GFPT1: variants seen among roughly 807,000 people sequenced by gnomAD.
The protein encoded by GFPT1 is glutamine--fructose-6-phosphate aminotransferase [isomerizing] 1.
GFPT1 carries 40 observed loss-of-function variants against 92.0 expected under a neutral mutation model. The ratio of observed to expected loss-of-function variants is 0.43; its 90% confidence interval spans 0.34 to 0.57. GFPT1 has a LOEUF of 0.57. Among genes scored for constraint, GFPT1 ranks in the 20% least tolerant of loss-of-function variants. The probability of loss-of-function intolerance (pLI) is 0.02; values close to 1 mark genes in which losing one functional copy is unlikely to be tolerated. For missense variants in GFPT1, 448 were observed against 869.1 expected, an observed-to-expected ratio of 0.52 and a Z score of 6.09; for synonymous variants, 269 against 280.6, an observed-to-expected ratio of 0.96 and a Z score of 0.41.
intron 2 of GFPT1, 66 bp from the exon 3 acceptor site, chr2:69,370,174 G>A (rs559412163): frequency 5.5e-6 from 5 of 911,264 alleles, no homozygotes; most frequent in South Asian, 1.3e-5. Context: ...ATTAATGTGA[G>A]GCAAAATTTT....
rs1035356174 is a variant in GFPT1 at position 69,324,662 on chromosome 2, C to G, written c.*1527G>C. 1.3e-5 allele frequency: 2 copies of G among 151,994 alleles called. No homozygotes were observed. Among genetic ancestry groups the G allele is most frequent in the Non-Finnish European group, 2.9e-5 (2 of 67,992 alleles). The allele number at this position is 151,994 out of a possible 1,614,324, so 9.4% of individuals were successfully genotyped here. On this transcript the variant is annotated 3_prime_UTR_variant, in exon 20 of 20. Coordinates refer to ENST00000357308, the MANE Select transcript of GFPT1 (RefSeq NM_001244710.2). ...ACTATTAGAAAATCTTAACCTCACC[C>G]AGAAGTTAAAACAAGAAAAGAAAGA...
At chr2:69,342,320 G>T (rs1574054897) in intron 12 of GFPT1, 71 bp from the exon 13 acceptor site, 10 of 880,168 alleles carry the variant, frequency 1.1e-5, no homozygotes. Flanking sequence ...CATTTTGTGA[G>T]TATCCACTGC....
chr2:69,343,324 A>G (rs1671000780), intron 12 of GFPT1, among the ~76,000 whole-genome samples: 1 of 152,064 alleles, frequency 6.6e-6, no homozygotes, highest in African/African-American at 2.4e-5. Flanking sequence ...GAGGAGAATG[A>G]CAGGTACCTC....
At chr2:69,330,010 G>C (rs1670622019) in intron 15 of GFPT1, among the ~76,000 whole-genome samples, 1 of 152,132 alleles carries the variant, frequency 6.6e-6, no homozygotes, top group Non-Finnish European at 1.5e-5. Context: ...TTGAGCTTAG[G>C]AGTTCGAGAC....
chr2:69,334,500 T>C (rs898549944), intron 15 of GFPT1: 2 of 152,128 alleles, frequency 1.3e-5, no homozygotes, highest in Non-Finnish European at 1.5e-5. Context: ...ACTTCCTATA[T>C]AGTTATTTCA....
chr2:69,385,376 C>T (rs560465507), intron 1 of GFPT1, among the ~76,000 whole-genome samples: 41 of 152,150 alleles, frequency 2.7e-4, no homozygotes, highest in African/African-American at 9.4e-4. Flanking sequence ...CAGGCGCGTA[C>T]CACCACGCCC....
chr2:69,327,146 G>A, intron 18 of GFPT1, 71 bp from the exon 19 acceptor site: 1 of 1,351,408 alleles, frequency 7.4e-7, no homozygotes. Flanking sequence ...TTACGAATGT[G>A]CAAAAATTGC....
chr2:69,383,229 C>T (rs1672050953), intron 1 of GFPT1, among the ~76,000 whole-genome samples: 1 of 152,212 alleles, frequency 6.6e-6, no homozygotes, highest in South Asian at 2.1e-4. Context: ...TTAGAACTTT[C>T]TGGAACCTTT....
intron 18 of GFPT1, among the ~76,000 whole-genome samples, chr2:69,327,838 C>T (rs1670567512): frequency 1.3e-5 from 2 of 151,964 alleles, no homozygotes; most frequent in Admixed American, 1.3e-4. Context: ...CGGGGTGGCT[C>T]ATGCCTGTAA....
chr2:69,353,090 G>A (rs539666011), intron 9 of GFPT1, among the ~76,000 whole-genome samples: 3 of 151,280 alleles, frequency 2.0e-5, no homozygotes, highest in African/African-American at 7.3e-5. Context: ...ATCAATGTCT[G>A]TTTAAATGAA....
At chr2:69,342,019 CTTT>C (rs1007952207) in intron 13 of GFPT1, 130 bp downstream of exon 13, 1 of 604,290 alleles carries the variant, frequency 1.7e-6, no homozygotes, top group Non-Finnish European at 2.9e-6. Context: ...CCCTTACCTT[CTTT>C]TTTTATCACA....
chr2:69,364,191 A>ACCT (rs1391797550), intron 3 of GFPT1, among the ~76,000 whole-genome samples: 1 of 152,104 alleles, frequency 6.6e-6, no homozygotes, highest in Non-Finnish European at 1.5e-5. Context: ...AAGTTTACAC[A>ACCT]CCTACTATAT....
At chr2:69,363,490 G>GC in intron 4 of GFPT1, 55 bp downstream of exon 4, 2 of 1,532,332 alleles carry the variant, frequency 1.3e-6, no homozygotes, top group Non-Finnish European at 1.8e-6. Context: ...CCTTCATTCT[G>GC]CCCCCATTAT....
At chr2:69,367,344 T>TTGTTGTTG (rs1553392925) in intron 3 of GFPT1, among the ~76,000 whole-genome samples, 16 of 150,360 alleles carry the variant, frequency 1.1e-4, no homozygotes, top group South Asian at 6.3e-4. Context: ...CAACTTATTT[T>TTGTTGTTG]TTGTTGTTGT....
rs1357644476 is a variant in GFPT1, at chr2:69,338,474, T to C, written c.1295A>G (p.Asp432Gly). ...FLDRNTPVFR[D>G]DVCFFLSQSG... ...TTGACTAAGGAAAAAGCAAACATCA[T>C]CTCGAAAGACTGGTGTGTTTCTGTC... is the stretch of plus-strand genomic sequence containing the variant. The change falls in exon 14 of 20, where the codon GAT (aspartate) becomes GGT (glycine). Residue 432 changes from aspartate (D) to glycine (G), a missense_variant. Around this residue, in one of 7 missense-constraint regions of GFPT1, gnomAD observed 121 missense variants for 304.3 expected, o/e 0.40. Coordinates refer to ENST00000357308, the MANE Select transcript of GFPT1 (RefSeq NM_001244710.2). The C allele has an allele frequency of 5.6e-6, 9 of 1,613,270 alleles. No individual in the cohort carries two copies. Among genetic ancestry groups the C allele is most frequent in the Non-Finnish European group, 7.6e-6 (9 of 1,179,400 alleles).
chr2:69,339,334 C>T (rs1212502182), intron 13 of GFPT1, among the ~76,000 whole-genome samples: 2 of 152,056 alleles, frequency 1.3e-5, no homozygotes, highest in East Asian at 3.9e-4. Flanking sequence ...CAAAAGAAGT[C>T]AATATATTTT....
intron 9 of GFPT1, among the ~76,000 whole-genome samples, chr2:69,351,526 A>G (rs560193700): frequency 6.6e-6 from 1 of 152,344 alleles, no homozygotes; most frequent in South Asian, 2.1e-4. Flanking sequence ...AGAAATGTGC[A>G]TTCAAATGTG....
chr2:69,377,333 C>T (rs1036453967), intron 1 of GFPT1, among the ~76,000 whole-genome samples: 7 of 151,758 alleles, frequency 4.6e-5, no homozygotes, highest in African/African-American at 1.7e-4. Flanking sequence ...TTTATAATGG[C>T]TCACTATATG....
intron 11 of GFPT1, 111 bp from the exon 12 acceptor site, chr2:69,346,110 G>A: frequency 1.4e-6 from 1 of 713,332 alleles, no homozygotes; most frequent in South Asian, 1.5e-5. Flanking sequence ...TATAACAAAA[G>A]TTCATGCAAT....
Sources: gnomAD v4.1 joint callset for allele counts (sites outside exome capture counted in the v4.1 genomes callset) on GRCh38, gnomAD v4.1.1 for gene constraint, gnomAD v4.1.1 regional missense constraint, MANE v1.5 for transcripts, NCBI Gene and HGNC (gene_info 2026-07-23, HGNC 2026-07-21) for gene names.